Variants in UVSSA observed in about 807,000 individuals in gnomAD.
UVSSA encodes UV stimulated scaffold protein A, also known as UV-stimulated scaffold protein A.
A neutral mutation model predicts 73.9 loss-of-function variants in UVSSA; 72 were observed. The observed-to-expected ratio is 0.97, with a 90% CI of 0.81 to 1.19. The LOEUF is 1.19. Ranked by LOEUF, UVSSA falls within the 50% of genes most tolerant of loss-of-function variation. The pLI, the probability that UVSSA is intolerant of heterozygous loss-of-function variation, is 0.00. For synonymous variants in UVSSA, 454 were observed against 391.3 expected (o/e 1.16, Z -1.89); for missense variants, 1,150 against 965.0 (o/e 1.19, Z -2.54).
chr4:1,385,010 A>T (rs1719925785), intron 13 of UVSSA: 1 of 152,222 alleles, frequency 6.6e-6, no homozygotes, highest in Non-Finnish European at 1.5e-5. Context: ...TAGCCCTTGG[A>T]GCTCAGGGTG....
intron 2 of UVSSA, among the ~76,000 whole-genome samples, chr4:1,349,057 TTG>T: frequency 1.5e-4 from 7 of 45,304 alleles, no homozygotes; most frequent in Non-Finnish European, 2.4e-4. Context: ...TGCCGGGCGG[TTG>T]GCGTTTGTGC....
chr4:1,350,890 A>G (rs1246972169), intron 3 of UVSSA, among the ~76,000 whole-genome samples: 1 of 151,798 alleles, frequency 6.6e-6, no homozygotes, highest in Admixed American at 6.6e-5. Flanking sequence ...AGATAGCTCT[A>G]GTTTTTGTTG....
At chr4:1,346,461 T>G (rs1014756474), upstream of UVSSA, among the ~76,000 whole-genome samples, 2 of 152,188 alleles carry the variant, frequency 1.3e-5, no homozygotes, top group Admixed American at 6.5e-5. Context: ...CGCACTCCCC[T>G]GCGTTCGAGG....
intron 10 of UVSSA, among the ~76,000 whole-genome samples, chr4:1,376,911 T>G (rs760319136): frequency 1.3e-5 from 2 of 152,136 alleles, no homozygotes; most frequent in African/African-American, 2.4e-5. Flanking sequence ...GGCGTCTTCC[T>G]TAGAGGGCAG....
chr4:1,371,708 C>T lies in UVSSA; in HGVS notation c.1289-3656C>T, dbSNP rs143373070. Among the ~76,000 whole-genome samples, 170 of 152,288 alleles carry T rather than the reference C, an allele frequency of 1.1e-3. No individual in the cohort carries two copies. In the South Asian group the frequency reaches 0.012, roughly 11 times the overall value. On this transcript the variant is annotated intron_variant, in intron 8 of 13. Transcript: ENST00000389851. ...TCCCGCTTTTACAGCCGTCAGATCT[C>T]GTGAGACCCATTCACTCTCACGGGG...
chr4:1,366,313 TC>T lies in UVSSA; in HGVS notation c.1177-5del. On this transcript the variant is annotated splice_region_variant and splice_polypyrimidine_tract_variant and intron_variant, in intron 7 of 13. Coordinates refer to ENST00000389851, the MANE Select transcript of UVSSA (RefSeq NM_020894.4). The stretch of plus-strand genomic sequence containing the variant: ...GGGTTGATTTGTATTGGGGTGTTTT[TC>T]CACAGACAGAAGCCCTGGGGGATGC... 1 of 1,606,954 alleles carries T rather than the reference TC, an allele frequency of 6.2e-7. No individual in the cohort carries two copies.
chr4:1,362,396 C>T (rs970628725), intron 7 of UVSSA, among the ~76,000 whole-genome samples: 14 of 152,330 alleles, frequency 9.2e-5, no homozygotes, highest in South Asian at 4.1e-4. Context: ...GGTGTGGGCA[C>T]GGGTCACAGC....
In UVSSA at chr4:1,366,373, G is replaced by T. The variant is rs370740292; in HGVS notation, c.1230G>T (p.Glu410Asp). 1.2e-6 allele frequency: 2 copies of T among 1,613,566 alleles called. No homozygotes were observed. Among genetic ancestry groups the T allele is most frequent in the Non-Finnish European group, 1.7e-6 (2 of 1,179,742 alleles). The change falls in exon 8 of 14, where the codon GAG becomes GAT. Residue 410 changes from glutamate (E) to aspartate (D), a missense_variant. By Grantham distance (45) the Glu-to-Asp change is conservative (BLOSUM62 2). Transcript: ENST00000389851. The part of the protein sequence containing the change: ...EEDEDDEDFV[E>D]VPEKEGYEPH... ...ATGAGGACGATGAGGACTTTGTGGA[G>T]GTCCCTGAGAAGGAGGGGTATGAGC...
At chr4:1,361,064 G>A (rs55921115) in intron 7 of UVSSA, among the ~76,000 whole-genome samples, 12,004 of 152,308 alleles carry the variant, frequency 0.079, 566 homozygotes, top group Non-Finnish European at 0.1. Flanking sequence ...CCCCCGGCCC[G>A]CATCTGGTCG....
intron 5 of UVSSA, among the ~76,000 whole-genome samples, chr4:1,353,619 G>A (rs879469949): frequency 4.6e-5 from 7 of 152,194 alleles, no homozygotes; most frequent in African/African-American, 7.2e-5. Context: ...TGGCCACAGG[G>A]ACACTTCTAA....
At chr4:1,364,737 T>C (rs1032960271) in intron 7 of UVSSA, among the ~76,000 whole-genome samples, 3 of 151,986 alleles carry the variant, frequency 2.0e-5, no homozygotes, top group African/African-American at 7.2e-5. Context: ...ACCTCAACCC[T>C]GGGGGCATCT....
intron 8 of UVSSA, among the ~76,000 whole-genome samples, chr4:1,368,194 G>C (rs1216978947): frequency 1.3e-5 from 2 of 152,266 alleles, no homozygotes; most frequent in African/African-American, 4.8e-5. Context: ...TCTGGGAGCT[G>C]GCACTGACCC....
intron 11 of UVSSA, chr4:1,380,592 G>A: frequency 2.1e-6 from 3 of 1,437,014 alleles, no homozygotes; most frequent in Non-Finnish European, 2.8e-6. Flanking sequence ...GGGCAGCTGG[G>A]CATGGTGCAG....
chr4:1,380,259 G>T (rs961543084), intron 11 of UVSSA, 29 bp downstream of exon 11: 14 of 1,596,272 alleles, frequency 8.8e-6, no homozygotes, highest in Non-Finnish European at 1.2e-5. Flanking sequence ...GGCGGGGGTG[G>T]GTGTGGGCTG....
At chr4:1,368,192 C>G (rs1717585216) in intron 8 of UVSSA, among the ~76,000 whole-genome samples, 1 of 152,280 alleles carries the variant, frequency 6.6e-6, no homozygotes, top group African/African-American at 2.4e-5. Flanking sequence ...AGTCTGGGAG[C>G]TGGCACTGAC....
At chr4:1,395,266 T>C in exon 14 of UVSSA, 1 of 1,493,944 alleles carries the variant, frequency 6.7e-7, no homozygotes. Flanking sequence ...GCCCGCCTGC[T>C]CACGTGCCGA....
intron 2 of UVSSA, among the ~76,000 whole-genome samples, chr4:1,349,015 G>T (rs1256026087): frequency 1.3e-5 from 2 of 151,002 alleles, no homozygotes; most frequent in South Asian, 2.1e-4. Flanking sequence ...GTGCCGGGCG[G>T]TGTGCGGTTT....
Position 1,379,987 on chromosome 4 carries a change from G to C in UVSSA, c.1569-60G>C, listed in dbSNP as rs139054613. ...GGCCTTCCCCTGTGCCTGCACCACC[G>C]TGGCCACGCTCTTCTGGGGTCCCTG... On this transcript the variant is annotated intron_variant, in intron 10 of 13. Coordinates refer to ENST00000389851, the MANE Select transcript of UVSSA (RefSeq NM_020894.4). 2,571 of 1,525,808 alleles carry C rather than the reference G, an allele frequency of 1.7e-3. 2 individuals carry two copies. Among genetic ancestry groups the C allele is most frequent in the Non-Finnish European group, 2.1e-3 (2,407 of 1,130,466 alleles). The allele number at this position is 1,525,808 out of a possible 1,614,324, so 94.5% of individuals were successfully genotyped here. A position where few individuals can be genotyped will look rare whatever the true frequency, so the allele number is the denominator to read the frequency against.
At chr4:1,370,121 TAAAA>T (rs1477589643) in intron 8 of UVSSA, among the ~76,000 whole-genome samples, 2,332 of 152,344 alleles carry the variant, frequency 0.015, 69 homozygotes, top group African/African-American at 0.051. Context: ...TTTAATGGTT[TAAAA>T]CAACAAATCG....
Sources: allele counts gnomAD v4.1 joint callset (sites outside exome capture counted in the v4.1 genomes callset), GRCh38; gene constraint gnomAD v4.1.1; transcripts MANE v1.5; gene names NCBI Gene and HGNC (gene_info 2026-07-23, HGNC 2026-07-21).